Variants in CSMD1 observed in about 807,000 individuals in gnomAD.
The protein encoded by CSMD1 is CUB and Sushi multiple domains 1, also known as CUB and sushi domain-containing protein 1.
CSMD1 carries 213 observed loss-of-function variants against 417.5 expected under a neutral mutation model. That is an observed-to-expected ratio of 0.51 (90% CI 0.46 to 0.57). CSMD1 has a LOEUF of 0.57. CSMD1 is among the 20% of genes least tolerant of loss of function. The pLI, the probability that CSMD1 is intolerant of heterozygous loss-of-function variation, is 0.00. For synonymous variants in CSMD1, 2,862 were observed against 1,736.8 expected (o/e 1.65, Z -16.11); for missense variants, 6,923 against 4,529.7 (o/e 1.53, Z -15.17).
Position 3,151,501 on chromosome 8 carries a change from C to T in CSMD1, c.5927G>A (p.Gly1976Glu). The change falls in exon 40 of 70, where the codon GGG becomes GAG. Residue 1976 changes from glycine to glutamate, a missense_variant. Physicochemically the swap from Gly to Glu is moderately conservative, Grantham distance 98. Transcript: ENST00000635120. ...PSPLCIATCG[G>E]TLSTLGGVIL... ...CACACCACCCAAGGTGCTCAGCGTC[C>T]CTCCACAGGTTGCTGTTAAGTGGAC... The T allele has an allele frequency of 6.2e-7, 1 of 1,611,754 alleles. No individual in the cohort carries two copies. The highest frequency in any genetic ancestry group is 8.5e-7 in the Non-Finnish European group (1 of 1,178,704).
intron 1 of CSMD1, among the ~76,000 whole-genome samples, chr8:4,884,901 T>C (rs552626160): frequency 6.6e-5 from 10 of 152,230 alleles, no homozygotes; most frequent in Admixed American, 2.0e-4. Context: ...TTTTGCAACA[T>C]AGATATAGGT....
chr8:3,925,675 C>T (rs1237066434), intron 5 of CSMD1, among the ~76,000 whole-genome samples: 4 of 152,076 alleles, frequency 2.6e-5, no homozygotes, highest in East Asian at 1.9e-4. Flanking sequence ...GCCTCCTCCT[C>T]ATTTTTCTCT....
At chr8:4,120,778 C>G (rs555588678) in intron 3 of CSMD1, among the ~76,000 whole-genome samples, 1 of 152,208 alleles carries the variant, frequency 6.6e-6, no homozygotes, top group Admixed American at 6.5e-5. Flanking sequence ...TAAAACATGT[C>G]ACTTTCCAAA....
At chr8:4,403,084 G>A (rs145319461) in intron 3 of CSMD1, among the ~76,000 whole-genome samples, 177 of 152,054 alleles carry the variant, frequency 1.2e-3, no homozygotes, top group African/African-American at 4.1e-3. Context: ...GCTCGCCTCA[G>A]CCTCCCAAAG....
intron 1 of CSMD1, among the ~76,000 whole-genome samples, chr8:4,832,797 G>C (rs987948308): frequency 6.6e-6 from 1 of 152,124 alleles, no homozygotes; most frequent in Non-Finnish European, 1.5e-5. Flanking sequence ...AGAGAGCCGA[G>C]ACATTCATCC....
At chr8:3,874,363 A>C (rs1029671563) in intron 5 of CSMD1, among the ~76,000 whole-genome samples, 1 of 152,238 alleles carries the variant, frequency 6.6e-6, no homozygotes. Context: ...GTCTGTATTT[A>C]GAACTCTTTA....
At chr8:4,174,260 T>C (rs950854557) in intron 3 of CSMD1, among the ~76,000 whole-genome samples, 1 of 152,134 alleles carries the variant, frequency 6.6e-6, no homozygotes. Context: ...GAAATGAATC[T>C]TCAGCAAGAA....
chr8:3,698,544 T>C (rs550314107), intron 7 of CSMD1, among the ~76,000 whole-genome samples: 2 of 152,368 alleles, frequency 1.3e-5, no homozygotes, highest in Admixed American at 1.3e-4. Flanking sequence ...GCATGCCTGC[T>C]TCTGCAGCAG....
chr8:3,384,319 T>C (rs1175649026), intron 18 of CSMD1, among the ~76,000 whole-genome samples: 1 of 152,132 alleles, frequency 6.6e-6, no homozygotes, highest in Admixed American at 6.6e-5. Context: ...TAAACATTTT[T>C]AAATCAAATC....
At chr8:3,709,849 A>ATG (rs1801406359) in intron 6 of CSMD1, among the ~76,000 whole-genome samples, 3 of 133,508 alleles carry the variant, frequency 2.2e-5, no homozygotes, top group East Asian at 5.1e-4. Flanking sequence ...CTGTGTGTGT[A>ATG]CGTGTGTGTG....
intron 3 of CSMD1, among the ~76,000 whole-genome samples, chr8:4,049,618 G>C (rs1486400642): frequency 1.3e-5 from 2 of 152,008 alleles, no homozygotes; most frequent in East Asian, 1.9e-4. Context: ...ATATTTCATT[G>C]CTCTGTAAGT....
At chr8:3,580,119 TAAAAAG>T (rs1227699202) in intron 9 of CSMD1, among the ~76,000 whole-genome samples, 1 of 150,256 alleles carries the variant, frequency 6.7e-6, no homozygotes, top group Admixed American at 6.6e-5. Flanking sequence ...GAAAAGAAAA[TAAAAAG>T]AAAGAAAAAA....
chr8:3,242,807 C>T (rs539380767), intron 26 of CSMD1, among the ~76,000 whole-genome samples: 66 of 35,774 alleles, frequency 1.8e-3, no homozygotes, highest in African/African-American at 4.9e-3. Context: ...GGGGTTGGGG[C>T]GCAGAAATAA....
At chr8:4,633,325 A>C (rs1341488489) in intron 2 of CSMD1, among the ~76,000 whole-genome samples, 12 of 144,228 alleles carry the variant, frequency 8.3e-5, no homozygotes, top group African/African-American at 2.3e-4. Context: ...CGGCTCACTG[A>C]AAGCTCCGCC....
chr8:3,973,584 AG>A (rs1813222824), intron 5 of CSMD1, among the ~76,000 whole-genome samples: 1 of 152,220 alleles, frequency 6.6e-6, no homozygotes, highest in South Asian at 2.1e-4. Context: ...TTAAAAAAGA[AG>A]GAAAAAAGGG....
chr8:3,852,586 C>G (rs1803990731), intron 5 of CSMD1, among the ~76,000 whole-genome samples: 1 of 152,082 alleles, frequency 6.6e-6, no homozygotes, highest in African/African-American at 2.4e-5. Flanking sequence ...AGGACTTACT[C>G]GTGTCAGCTA....
intron 7 of CSMD1, among the ~76,000 whole-genome samples, chr8:3,636,248 G>A (rs1370509948): frequency 6.6e-6 from 1 of 152,136 alleles, no homozygotes; most frequent in Non-Finnish European, 1.5e-5. Flanking sequence ...TCATTTTCTA[G>A]GACAACGATG....
intron 3 of CSMD1, among the ~76,000 whole-genome samples, chr8:4,331,299 C>CAT (rs1457448190): frequency 6.6e-6 from 1 of 152,096 alleles, no homozygotes; most frequent in Non-Finnish European, 1.5e-5. Context: ...GCAGAAGCAT[C>CAT]ATGCTGCACG....
intron 3 of CSMD1, among the ~76,000 whole-genome samples, chr8:4,367,478 G>C (rs1285263558): frequency 6.6e-6 from 1 of 152,162 alleles, no homozygotes; most frequent in Non-Finnish European, 1.5e-5. Flanking sequence ...AGTACAGTTT[G>C]AAATCGGGTA....
Sources: gnomAD v4.1 joint callset for allele counts (sites outside exome capture counted in the v4.1 genomes callset) on GRCh38, gnomAD v4.1.1 for gene constraint, MANE v1.5 for transcripts, NCBI Gene and HGNC (gene_info 2026-07-23, HGNC 2026-07-21) for gene names.